The following PLPPR1 variants were observed in gnomAD, a reference collection of about 807,000 sequenced individuals.
PLPPR1 encodes the protein phospholipid phosphatase related 1.
In PLPPR1, 10 loss-of-function variants were observed where a neutral mutation model predicts 33.1. The ratio of observed to expected loss-of-function variants is 0.30; its 90% CI spans 0.19 to 0.51. The LOEUF is 0.51. Among genes scored for constraint, PLPPR1 ranks in the 20% least tolerant of loss-of-function variants. The pLI, the probability that PLPPR1 is intolerant of heterozygous loss-of-function variation, is 0.97. For synonymous variants in PLPPR1, 151 were observed against 151.0 expected (o/e 1.00, Z 0.00); for missense variants, 304 against 408.1 (o/e 0.74, Z 2.20).
intron 2 of PLPPR1, among the ~76,000 whole-genome samples, chr9:101,236,844 CTTAA>C (rs1827310725): frequency 6.6e-6 from 1 of 151,654 alleles, no homozygotes; most frequent in Admixed American, 6.6e-5. Flanking sequence ...ACAAATAGGA[CTTAA>C]TTAAACTACA....
At chr9:101,062,887 G>A (rs1008870931) in intron 1 of PLPPR1, among the ~76,000 whole-genome samples, 1 of 151,954 alleles carries the variant, frequency 6.6e-6, no homozygotes, top group African/African-American at 2.4e-5. Flanking sequence ...CCAGATTTGT[G>A]TAATCCTCAT....
At chr9:101,121,466 T>G (rs1831177783) in intron 1 of PLPPR1, among the ~76,000 whole-genome samples, 1 of 152,174 alleles carries the variant, frequency 6.6e-6, no homozygotes, top group African/African-American at 2.4e-5. Flanking sequence ...AGGCCACCTT[T>G]TATGAAGAAA....
At chr9:101,170,317 G>A (rs962124175) in intron 1 of PLPPR1, among the ~76,000 whole-genome samples, 1 of 152,302 alleles carries the variant, frequency 6.6e-6, no homozygotes, top group East Asian at 1.9e-4. Context: ...TGGAGTCACA[G>A]TTCCACATGG....
intron 2 of PLPPR1, among the ~76,000 whole-genome samples, chr9:101,246,055 AATAT>A (rs58070017): frequency 0.12 from 10,156 of 84,798 alleles, 895 homozygotes; most frequent in African/African-American, 0.17. Flanking sequence ...ATTGAATATG[AATAT>A]ATATATATAT....
chr9:101,181,940 CACAT>C (rs1826122315), intron 1 of PLPPR1, among the ~76,000 whole-genome samples: 3 of 149,866 alleles, frequency 2.0e-5, no homozygotes, highest in South Asian at 4.2e-4. Flanking sequence ...TATATACACA[CACAT>C]ACATACATAA....
At chr9:101,319,194 T>C (rs1313607937) in intron 7 of PLPPR1, among the ~76,000 whole-genome samples, 2 of 152,192 alleles carry the variant, frequency 1.3e-5, no homozygotes, top group African/African-American at 4.8e-5. Context: ...TTTCCCCCGC[T>C]GAGATGGAGT....
rs537123554 is a variant in PLPPR1, at chr9:101,247,826, G to A, written c.64-22054G>A. Among the ~76,000 whole-genome samples, 27 of 152,122 alleles carry A rather than the reference G, an allele frequency of 1.8e-4. No homozygotes were observed. The East Asian group carries it at 1.9e-3, about 11-fold the overall frequency. On this transcript the variant is annotated intron_variant, in intron 2 of 7. Coordinates refer to ENST00000374874, the MANE Select transcript of PLPPR1 (RefSeq NM_207299.2). ...TTGAAATATTGTAGGAATTAAAGCA[G>A]CCTGATTATTGCTGTTCTGTTTCCT...
chr9:101,312,759 C>T, intron 5 of PLPPR1, 39 bp from the exon 6 acceptor site: 1 of 1,586,054 alleles, frequency 6.3e-7, no homozygotes, highest in Non-Finnish European at 8.6e-7. Flanking sequence ...TAGCACAAGG[C>T]AGCTGCCTGG....
intron 3 of PLPPR1, among the ~76,000 whole-genome samples, chr9:101,278,700 C>T (rs1487946638): frequency 6.6e-6 from 1 of 152,134 alleles, no homozygotes; most frequent in African/African-American, 2.4e-5. Flanking sequence ...GAGTAGTATC[C>T]ACAAACTGAG....
intron 1 of PLPPR1, among the ~76,000 whole-genome samples, chr9:101,170,323 C>T (rs1361779314): frequency 6.6e-6 from 1 of 152,158 alleles, no homozygotes; most frequent in African/African-American, 2.4e-5. Context: ...CACAGTTCCA[C>T]ATGGCTGGGG....
chr9:101,290,177 G>C (rs1303327773), intron 4 of PLPPR1, among the ~76,000 whole-genome samples: 1 of 152,272 alleles, frequency 6.6e-6, no homozygotes, highest in Admixed American at 6.5e-5. Flanking sequence ...TAAAATAAGG[G>C]AGTAATCAAA....
chr9:101,301,166 G>GACA (rs1454230440), intron 4 of PLPPR1, among the ~76,000 whole-genome samples: 5 of 152,110 alleles, frequency 3.3e-5, no homozygotes, highest in Admixed American at 6.6e-5. Flanking sequence ...TAATTACAAT[G>GACA]ACAAATACAG....
At chr9:101,269,044 C>G (rs1182347088) in intron 2 of PLPPR1, among the ~76,000 whole-genome samples, 3 of 152,182 alleles carry the variant, frequency 2.0e-5, no homozygotes, top group Admixed American at 2.0e-4. Flanking sequence ...TATTCACCAT[C>G]TTATCTTGGC....
At chr9:101,271,159 A>G (rs1273916833) in intron 3 of PLPPR1, among the ~76,000 whole-genome samples, 1 of 152,202 alleles carries the variant, frequency 6.6e-6, no homozygotes, top group Non-Finnish European at 1.5e-5. Flanking sequence ...ATCAGCATTG[A>G]TGAGCCACAA....
rs146525888 is a variant in PLPPR1, at chr9:101,077,276, G to A, written c.-46+48174G>A. Among the ~76,000 whole-genome samples the A allele has an allele frequency of 1.3e-3, 196 of 152,278 alleles. 1 individual carries two copies. The highest frequency in any genetic ancestry group is 4.5e-3 in the African/African-American group (189 of 41,548). On this transcript the variant is annotated intron_variant, in intron 1 of 7. Coordinates refer to ENST00000374874, the MANE Select transcript of PLPPR1 (RefSeq NM_207299.2). The stretch of plus-strand genomic sequence containing the variant: ...ACAGGATTCCTAGGAATGGCCAGAG[G>A]CAATTCTCCAAGACAAACCCTGAGT...
intron 1 of PLPPR1, among the ~76,000 whole-genome samples, chr9:101,161,696 G>T (rs934599108): frequency 2.6e-5 from 4 of 152,030 alleles, no homozygotes; most frequent in African/African-American, 7.2e-5. Context: ...AAAGACAAAA[G>T]AGTGTCTTAT....
At chr9:101,280,632 A>G (rs1013339822) in intron 3 of PLPPR1, among the ~76,000 whole-genome samples, 3 of 151,620 alleles carry the variant, frequency 2.0e-5, no homozygotes, top group African/African-American at 7.2e-5. Flanking sequence ...ACATATGCAA[A>G]TCAATCAATG....
At chr9:101,319,357 T>C (rs1829112718) in intron 7 of PLPPR1, among the ~76,000 whole-genome samples, 1 of 152,238 alleles carries the variant, frequency 6.6e-6, no homozygotes, top group Non-Finnish European at 1.5e-5. Flanking sequence ...CTTGTATTTT[T>C]AGTAGAGACG....
rs947269019 is a variant in PLPPR1 at position 101,036,434 on chromosome 9, C to A, written c.-46+7332C>A. Among the ~76,000 whole-genome samples the A allele has an allele frequency of 3.3e-5, 5 of 152,056 alleles. 1 individual carries two copies. The highest frequency in any genetic ancestry group is 3.3e-4 in the Admixed American group (5 of 15,264). The stretch of plus-strand genomic sequence containing the variant: ...ATCTGCCTGTCATCTCTCTATTTAT[C>A]TCTTTGTCTTAGGGCTAGAGGAAAA... On this transcript the variant is annotated intron_variant, in intron 1 of 7. Transcript: ENST00000374874.
Sources: allele counts gnomAD v4.1 joint callset (sites outside exome capture counted in the v4.1 genomes callset), GRCh38; gene constraint gnomAD v4.1.1; transcripts MANE v1.5; gene names NCBI Gene and HGNC (gene_info 2026-07-23, HGNC 2026-07-21).